Variants in MYO3B observed in about 807,000 individuals in gnomAD.
The protein encoded by MYO3B is myosin IIIB, also known as myosin-IIIb.
MYO3B carries 156 observed loss-of-function variants against 174.6 expected under a neutral mutation model. That is an observed-to-expected ratio of 0.89 (90% confidence interval 0.78 to 1.02). MYO3B has a LOEUF of 1.02. Among genes scored for constraint, MYO3B ranks in the 50% least tolerant of loss-of-function variants. The pLI is 0.00. For missense variants in MYO3B, 1,632 were observed against 1,639.4 expected (o/e 1.00, Z 0.08); for synonymous variants, 563 against 569.1 (o/e 0.99, Z 0.15).
intron 7 of MYO3B, among the ~76,000 whole-genome samples, chr2:170,325,431 C>T (rs1213888679): frequency 6.6e-6 from 1 of 152,222 alleles, no homozygotes; most frequent in African/African-American, 2.4e-5. Context: ...TGGTCTTGAA[C>T]TCCTGACCTC....
chr2:170,426,079 A>AT (rs34098665), intron 22 of MYO3B, among the ~76,000 whole-genome samples: 90,325 of 147,970 alleles, frequency 0.61, 27,598 homozygotes, highest in African/African-American at 0.68. Context: ...TTAATCTCTG[A>AT]TTTTTTTTTT....
At chr2:170,365,117 C>G (rs1407294094) in intron 8 of MYO3B, among the ~76,000 whole-genome samples, 1 of 152,162 alleles carries the variant, frequency 6.6e-6, no homozygotes, top group Non-Finnish European at 1.5e-5. Context: ...ACAGTTCTTC[C>G]CTCTGGCCGC....
chr2:170,284,394 C>T (rs2093538562), intron 7 of MYO3B, among the ~76,000 whole-genome samples: 1 of 152,082 alleles, frequency 6.6e-6, no homozygotes, highest in Non-Finnish European at 1.5e-5. Context: ...TCTCATGGTT[C>T]AGCTCAATAC....
At chr2:170,434,902 C>A (rs10930432) in intron 22 of MYO3B, among the ~76,000 whole-genome samples, 35,062 of 152,184 alleles carry the variant, frequency 0.23, 4,884 homozygotes, top group Non-Finnish European at 0.31. Context: ...TTAGGTGATC[C>A]TTCCACTTGG....
chr2:170,387,036 A>T (rs1050657401), intron 13 of MYO3B, 70 bp from the exon 14 acceptor site: 7 of 1,502,158 alleles, frequency 4.7e-6, no homozygotes, highest in Non-Finnish European at 6.5e-6. Flanking sequence ...TGGGCAAGGG[A>T]TGGTGCCTGG....
chr2:170,506,659 C>T (rs760065337), intron 28 of MYO3B, among the ~76,000 whole-genome samples: 4 of 152,174 alleles, frequency 2.6e-5, no homozygotes, highest in Non-Finnish European at 4.4e-5. Context: ...ATTTTGCCAA[C>T]GCTCTTTGGA....
At chr2:170,355,077 A>G (rs1385986199) in intron 8 of MYO3B, among the ~76,000 whole-genome samples, 5 of 152,170 alleles carry the variant, frequency 3.3e-5, no homozygotes, top group East Asian at 3.8e-4. Flanking sequence ...CAGCAGGAGC[A>G]GTAATTTAGG....
intron 7 of MYO3B, among the ~76,000 whole-genome samples, chr2:170,262,475 G>A (rs1384584044): frequency 6.6e-6 from 1 of 152,112 alleles, no homozygotes; most frequent in Non-Finnish European, 1.5e-5. Flanking sequence ...GATGAGTTGG[G>A]GAAAATAGGA....
At chr2:170,463,243 T>A (rs1684418428) in intron 23 of MYO3B, 125 bp from the exon 24 acceptor site, 5 of 686,848 alleles carry the variant, frequency 7.3e-6, no homozygotes. Context: ...CAGTATACAC[T>A]ATTGTGTCCT....
chr2:170,386,934 T>G (rs562115663), intron 13 of MYO3B, among the ~76,000 whole-genome samples, 172 bp from the exon 14 acceptor site: 1 of 152,368 alleles, frequency 6.6e-6, no homozygotes, highest in South Asian at 2.1e-4. Context: ...TATGCAGATC[T>G]GGGGAGTTGC....
At chr2:170,187,264 G>T (rs1472443578) in intron 1 of MYO3B, among the ~76,000 whole-genome samples, 1 of 151,612 alleles carries the variant, frequency 6.6e-6, no homozygotes, top group Admixed American at 6.6e-5. Flanking sequence ...ATGGAGTCTT[G>T]CTCTGTTTCC....
intron 22 of MYO3B, among the ~76,000 whole-genome samples, chr2:170,432,634 T>C (rs985848056): frequency 2.0e-5 from 3 of 151,714 alleles, no homozygotes; most frequent in Non-Finnish European, 4.4e-5. Flanking sequence ...TGGAGTGCAG[T>C]GGCACGATCT....
intron 32 of MYO3B, among the ~76,000 whole-genome samples, chr2:170,601,073 CTG>C (rs1275073085): frequency 2.0e-5 from 3 of 152,152 alleles, no homozygotes; most frequent in Non-Finnish European, 2.9e-5. Context: ...AGGATAAACA[CTG>C]TAATAATTCA....
chr2:170,383,497 G>A (rs1332112649), intron 11 of MYO3B, among the ~76,000 whole-genome samples: 2 of 152,144 alleles, frequency 1.3e-5, no homozygotes, highest in African/African-American at 2.4e-5. Context: ...GGGAGACTTA[G>A]CATAGAGTGA....
At chr2:170,264,312 G>A (rs2093366883) in intron 7 of MYO3B, among the ~76,000 whole-genome samples, 1 of 152,150 alleles carries the variant, frequency 6.6e-6, no homozygotes, top group African/African-American at 2.4e-5. Context: ...CTTTTTCACA[G>A]TATGGTGGTC....
intron 16 of MYO3B, among the ~76,000 whole-genome samples, chr2:170,393,872 G>A (rs1287439236): frequency 6.6e-6 from 1 of 152,098 alleles, no homozygotes; most frequent in Admixed American, 6.5e-5. Flanking sequence ...TCTTAGAGGG[G>A]GGCAATTAAA....
chr2:170,403,362 A>G (rs909049418), intron 19 of MYO3B, among the ~76,000 whole-genome samples: 20 of 152,202 alleles, frequency 1.3e-4, no homozygotes, highest in Non-Finnish European at 2.5e-4. Context: ...TAACTGCTAC[A>G]CTAGCCCTCC....
At chr2:170,213,984 A>G (rs972180674) in intron 3 of MYO3B, among the ~76,000 whole-genome samples, 2 of 152,214 alleles carry the variant, frequency 1.3e-5, no homozygotes, top group Non-Finnish European at 2.9e-5. Flanking sequence ...CAAAATGCAC[A>G]TTAAAAACAT....
At chr2:170,261,631 A>G (rs2093346714) in intron 7 of MYO3B, among the ~76,000 whole-genome samples, 1 of 152,222 alleles carries the variant, frequency 6.6e-6, no homozygotes, top group South Asian at 2.1e-4. Flanking sequence ...AAGTGGCCAC[A>G]TATAATGTGA....
Sources: allele counts gnomAD v4.1 joint callset (sites outside exome capture counted in the v4.1 genomes callset), GRCh38; gene constraint gnomAD v4.1.1; transcripts MANE v1.5; gene names NCBI Gene and HGNC (gene_info 2026-07-23, HGNC 2026-07-21).